GALNT4: variants seen among roughly 807,000 people sequenced by gnomAD.
GALNT4 encodes the protein UDP-GalNAc:polypeptide N-acetylgalactosaminyltransferase 4.
In GALNT4, 23 loss-of-function variants were observed where a neutral mutation model predicts 45.1. That is an observed-to-expected ratio of 0.51 (90% CI 0.37 to 0.72). GALNT4 has a LOEUF of 0.72. Among genes scored for constraint, GALNT4 ranks in the 30% least tolerant of loss-of-function variants. The pLI is 0.00. For synonymous variants in GALNT4, 264 were observed against 257.6 expected (o/e 1.02, Z -0.24); for missense variants, 757 against 709.0 (o/e 1.07, Z -0.77).
At position 89,522,681 on chromosome 12, in the gene GALNT4, A is replaced by G; in HGVS notation, c.*132T>C. The G allele has an allele frequency of 8.2e-7, 1 of 1,214,172 alleles. No individual in the cohort carries two copies. 75.2% of individuals were successfully genotyped at this position (1,214,172 alleles called of 1,614,324 possible). On this transcript the variant is annotated 3_prime_UTR_variant, in exon 1 of 1. Coordinates refer to ENST00000529983, the MANE Select transcript of GALNT4 (RefSeq NM_003774.5). ...AGTGTGATATACCAAAATGAACCCC[A>G]GCTTTCCAGTGCTCCACAGATGACT...
In GALNT4 at chr12:89,523,721, C is replaced by T; in HGVS notation, c.829G>A (p.Gly277Arg). Residue 277 changes from glycine (G) to arginine (R), a missense_variant, in exon 1 of 1, where the codon GGG becomes AGG. Gly to Arg is a moderately radical substitution (Grantham distance 125). Transcript: ENST00000529983. The part of the protein sequence containing the change: ...YMQIGEPMIG[G>R]FDWRLTFQWH... ...TGAAATGTTAAACGCCAGTCAAACC[C>T]ACCAATCATGGGCTCCCCTATCTGC... 2 of 1,548,106 alleles carry T rather than the reference C, an allele frequency of 1.3e-6. No individual in the cohort carries two copies. The highest frequency in any genetic ancestry group is 1.7e-6 in the Non-Finnish European group (2 of 1,154,670).
At position 89,521,289 on chromosome 12, in the gene GALNT4, G is replaced by T. The variant is rs559972526; in HGVS notation, c.*1524C>A. 1.3e-5 allele frequency: 2 copies of T among 152,330 alleles called. No individual in the cohort carries two copies. The highest frequency in any genetic ancestry group is 3.9e-4 in the East Asian group (2 of 5,184). 9.4% of individuals were successfully genotyped at this position (152,330 alleles called of 1,614,324 possible). ...TGGCTAATTTTTTGTATTTTTAGTA[G>T]AGACGAGGTTTCACCATGTTAGCCA... is the stretch of plus-strand genomic sequence containing the variant. On this transcript the variant is annotated 3_prime_UTR_variant, in exon 1 of 1. Transcript: ENST00000529983.
At position 89,523,732 on chromosome 12, in the gene GALNT4, G is replaced by T; in HGVS notation, c.818C>A (p.Pro273His). The change falls in exon 1 of 1, where the codon CCC becomes CAC. Residue 273 changes from proline to histidine, a missense_variant. By Grantham distance (77) the Pro-to-His change is moderately conservative (BLOSUM62 -2). Coordinates refer to ENST00000529983, the MANE Select transcript of GALNT4 (RefSeq NM_003774.5). ...TFEFYMQIGE[P>H]MIGGFDWRLT... ...ACGCCAGTCAAACCCACCAATCATG[G>T]GCTCCCCTATCTGCATATAGAATTC... 1.3e-6 allele frequency: 2 copies of T among 1,547,962 alleles called. No individual in the cohort carries two copies. The highest frequency in any genetic ancestry group is 1.7e-6 in the Non-Finnish European group (2 of 1,154,792).
In GALNT4 at chr12:89,522,345, T is replaced by G. The variant is rs1592650526; in HGVS notation, c.*468A>C. 5.1e-6 allele frequency: 2 copies of G among 395,340 alleles called. No individual in the cohort carries two copies. The highest frequency in any genetic ancestry group is 3.6e-5 in the East Asian group (1 of 27,920). The allele number at this position is 395,340 out of a possible 1,614,324, so 24.5% of individuals were successfully genotyped here. On this transcript the variant is annotated 3_prime_UTR_variant, in exon 1 of 1. Transcript: ENST00000529983. ...TAGATTAAAAAATAAAATCTAAAAT[T>G]TAATGTGCTGGCTAAAAAAGAAATA...
Position 89,523,334 on chromosome 12 carries a change from A to T in GALNT4, c.1216T>A (p.Tyr406Asn), listed in dbSNP as rs568006309. The T allele has an allele frequency of 1.9e-6, 3 of 1,613,986 alleles. No homozygotes were observed. The highest frequency in any genetic ancestry group is 2.5e-6 in the Non-Finnish European group (3 of 1,179,886). ...NRNPPARKEA[Y>N]GDISERKLLR... Reference sequence around the variant, plus strand: ...AATTTTCTTTCAGAAATATCACCATAAGCTTCTTTTCTTGCTGGAGGGTTT... The same window carrying T: ...AATTTTCTTTCAGAAATATCACCATTAGCTTCTTTTCTTGCTGGAGGGTTT... The change falls in exon 1 of 1, where the codon TAT (tyrosine) becomes AAT (asparagine). Residue 406 changes from tyrosine to asparagine, a missense_variant. Physicochemically the swap from Tyr to Asn is moderately radical, Grantham distance 143 (BLOSUM62 -2). Transcript: ENST00000529983.
At position 89,524,427 on chromosome 12, in the gene GALNT4, G is replaced by C; in HGVS notation, c.123C>G (p.Ala41=). 6.2e-7 allele frequency: 1 copy of C among 1,613,918 alleles called. No homozygotes were observed. The highest frequency in any genetic ancestry group is 8.5e-7 in the Non-Finnish European group (1 of 1,179,888). ...TFHASAGAGR[A]RELGSRRLSD... is the part of the protein sequence containing the mutation. ...AGAGCCTTCTTGACCCCAGCTCCCT[G>C]GCACGGCCGGCTCCTGCGGAGGCAT... The change falls in exon 1 of 1, where the codon GCC becomes GCG. Residue 41 remains alanine, a synonymous_variant. Transcript: ENST00000529983.
Position 89,524,394 on chromosome 12 carries a change from G to T in GALNT4, c.156C>A (p.Leu52=). 6.2e-7 allele frequency: 1 copy of T among 1,614,012 alleles called. No homozygotes were observed. Among genetic ancestry groups the T allele is most frequent in the Non-Finnish European group, 8.5e-7 (1 of 1,179,888 alleles). The change falls in exon 1 of 1, where the codon CTC becomes CTA. Residue 52 remains leucine, a synonymous_variant. Transcript: ENST00000529983. ...RELGSRRLSD[L]QKNTEDLSRP... ...GAGACAAATCCTCCGTATTTTTCTG[G>T]AGGTCTGAGAGCCTTCTTGACCCCA...
Position 89,523,520 on chromosome 12 carries a change from TA to T in GALNT4, c.1029del (p.Phe343LeufsTer77). Reference protein sequence around the residue: ...VWGGENLELSFRVWQCGGKLE... With the variant: ...VWGGENLELSXRVWQCGGKLE... ...AATTTGCCACCACACTGCCACACCC[TA>T]AAAGACAGCTCAAGGTTTTCACCTC... is the stretch of plus-strand genomic sequence containing the variant. On this transcript the variant is annotated frameshift_variant, in exon 1 of 1. Coordinates refer to ENST00000529983, the MANE Select transcript of GALNT4 (RefSeq NM_003774.5). LOFTEE classifies it high-confidence loss of function. 6.2e-7 allele frequency: 1 copy of T among 1,608,460 alleles called. No homozygotes were observed. The highest frequency in any genetic ancestry group is 8.5e-7 in the Non-Finnish European group (1 of 1,177,664).
In GALNT4 at chr12:89,523,536, GT is replaced by G; in HGVS notation, c.1013del (p.Asn338ThrfsTer82). The G allele has an allele frequency of 6.2e-7, 1 of 1,603,672 alleles. No individual in the cohort carries two copies. The highest frequency in any genetic ancestry group is 8.5e-7 in the Non-Finnish European group (1 of 1,175,956). Reference protein sequence around the residue: ...DTGMEVWGGENLELSFRVWQC... With the variant: ...DTGMEVWGGEXLELSFRVWQC... ...GCCACACCCTAAAAGACAGCTCAAGGTTTTCACCTCCCCACACTTCCATTCC... is the reference window on the plus strand; with the variant it reads ...GCCACACCCTAAAAGACAGCTCAAGGTTTCACCTCCCCACACTTCCATTCC... On this transcript the variant is annotated frameshift_variant, in exon 1 of 1. Coordinates refer to ENST00000529983, the MANE Select transcript of GALNT4 (RefSeq NM_003774.5). LOFTEE classifies it high-confidence loss of function.
chr12:89,524,616 C>A lies in GALNT4; in HGVS notation c.-67G>T. 1 of 1,534,052 alleles carries A rather than the reference C, an allele frequency of 6.5e-7. No homozygotes were observed. On this transcript the variant is annotated 5_prime_UTR_variant, in exon 1 of 1. Coordinates refer to ENST00000529983, the MANE Select transcript of GALNT4 (RefSeq NM_003774.5). ...ACCACGCAGGGGAAGGGCGGCGGAA[C>A]CCACAGCTCGAGCTCAGGTACTTCC... is the stretch of plus-strand genomic sequence containing the variant.
In GALNT4 at chr12:89,523,270, T is replaced by C; in HGVS notation, c.1280A>G (p.Tyr427Cys). The C allele has an allele frequency of 6.2e-7, 1 of 1,614,080 alleles. No homozygotes were observed. Reference sequence around the variant, plus strand: ...TAAATTAGGAAAAACGTTTTTCAAATACCAGTCAAAGCTCTTGCATCTCAA... The same window carrying C: ...TAAATTAGGAAAAACGTTTTTCAAACACCAGTCAAAGCTCTTGCATCTCAA... The part of the protein sequence containing the change: ...ERLRCKSFDW[Y>C]LKNVFPNLHV... Residue 427 changes from tyrosine to cysteine, a missense_variant, in exon 1 of 1, where the codon TAT becomes TGT. Transcript: ENST00000529983.
Position 89,523,430 on chromosome 12 carries a change from T to A in GALNT4, c.1120A>T (p.Asn374Tyr). 1.2e-6 allele frequency: 2 copies of A among 1,614,060 alleles called. No homozygotes were observed. The highest frequency in any genetic ancestry group is 1.7e-6 in the Non-Finnish European group (2 of 1,179,916). Residue 374 changes from asparagine (N) to tyrosine (Y), a missense_variant, in exon 1 of 1, where the codon AAT becomes TAT. Transcript: ENST00000529983. Reference protein sequence around the residue: ...FPKRAPYARPNFLQNTARAAE... With the variant: ...FPKRAPYARPYFLQNTARAAE... Reference sequence around the variant, plus strand: ...GCCCGAGCAGTATTCTGTAGGAAATTGGGGCGAGCATATGGTGCCCGCTTG... The same window carrying A: ...GCCCGAGCAGTATTCTGTAGGAAATAGGGGCGAGCATATGGTGCCCGCTTG...
Position 89,524,093 on chromosome 12 carries a change from G to A in GALNT4, c.457C>T (p.Arg153Cys). The A allele has an allele frequency of 5.0e-6, 8 of 1,613,976 alleles. No individual in the cohort carries two copies. The highest frequency in any genetic ancestry group is 2.2e-5 in the East Asian group (1 of 44,890). ...GTTTCTAAAACACTGTGAATGGTAC[G>A]GAGCAAAGTCGACCAGGCTTCGTTA... ...FYNEAWSTLL[R>C]TIHSVLETSP... Residue 153 changes from arginine to cysteine, a missense_variant, in exon 1 of 1, where the codon CGT becomes TGT. Arg to Cys is a radical substitution (Grantham distance 180). Transcript: ENST00000529983.
chr12:89,520,285 G>A lies in GALNT4; in HGVS notation c.*2528C>T, dbSNP rs1675995941. The A allele has an allele frequency of 6.6e-6, 1 of 151,928 alleles. No homozygotes were observed. The highest frequency in any genetic ancestry group is 2.1e-4 in the South Asian group (1 of 4,820). 9.4% of individuals were successfully genotyped at this position (151,928 alleles called of 1,614,324 possible). A position where few individuals can be genotyped will look rare whatever the true frequency, so the allele number is the denominator to read the frequency against. On this transcript the variant is annotated 3_prime_UTR_variant, in exon 1 of 1. Transcript: ENST00000529983. Reference sequence around the variant, plus strand: ...TAAAAGCCTCATTTCCCTTTTGACAGGAGCATCAAGATACTAAAATAAAAA... The same window carrying A: ...TAAAAGCCTCATTTCCCTTTTGACAAGAGCATCAAGATACTAAAATAAAAA...
chr12:89,523,103 T>C lies in GALNT4; in HGVS notation c.1447A>G (p.Asn483Asp). ...TTTGAAGTATATTCAAAGAATTGAT[T>C]GCCTCCTTGACCATGGCATCCAAAC... ...SLFGCHGQGG[N>D]QFFEYTSNKE... Residue 483 changes from asparagine to aspartate, a missense_variant, in exon 1 of 1, where the codon AAT (asparagine) becomes GAT (aspartate). Transcript: ENST00000529983. 1 of 1,613,962 alleles carries C rather than the reference T, an allele frequency of 6.2e-7. No individual in the cohort carries two copies. The highest frequency in any genetic ancestry group is 8.5e-7 in the Non-Finnish European group (1 of 1,179,826).
In GALNT4 at chr12:89,524,087, T is replaced by A; in HGVS notation, c.463A>T (p.Ile155Phe). Reference protein sequence around the residue: ...NEAWSTLLRTIHSVLETSPAV... With the variant: ...NEAWSTLLRTFHSVLETSPAV... ...GGAGAAGTTTCTAAAACACTGTGAATGGTACGGAGCAAAGTCGACCAGGCT... is the reference window on the plus strand; with the variant it reads ...GGAGAAGTTTCTAAAACACTGTGAAAGGTACGGAGCAAAGTCGACCAGGCT... The change falls in exon 1 of 1, where the codon ATT (isoleucine) becomes TTT (phenylalanine). Residue 155 changes from isoleucine to phenylalanine, a missense_variant. Physicochemically the swap from Ile to Phe is conservative, Grantham distance 21. Transcript: ENST00000529983. 6.2e-7 allele frequency: 1 copy of A among 1,613,982 alleles called. No individual in the cohort carries two copies. The highest frequency in any genetic ancestry group is 8.5e-7 in the Non-Finnish European group (1 of 1,179,884).
rs763373158 is a variant in GALNT4 at position 89,524,383 on chromosome 12, G to T, written c.167C>A (p.Thr56Lys). The T allele has an allele frequency of 1.9e-6, 3 of 1,613,984 alleles. No homozygotes were observed. The highest frequency in any genetic ancestry group is 2.5e-6 in the Non-Finnish European group (3 of 1,179,896). Residue 56 changes from threonine (T) to lysine (K), a missense_variant, in exon 1 of 1, where the codon ACG (threonine) becomes AAG (lysine). Transcript: ENST00000529983. ...SRRLSDLQKN[T>K]EDLSRPLYKK... The stretch of plus-strand genomic sequence containing the variant: ...ATAAAGCGGTCGAGACAAATCCTCC[G>T]TATTTTTCTGGAGGTCTGAGAGCCT...
At position 89,522,097 on chromosome 12, in the gene GALNT4, G is replaced by A. The variant is rs1414912201; in HGVS notation, c.*716C>T. The A allele has an allele frequency of 2.5e-6, 1 of 398,858 alleles. No homozygotes were observed. Among genetic ancestry groups the A allele is most frequent in the East Asian group, 3.6e-5 (1 of 28,074 alleles). The allele number at this position is 398,858 out of a possible 1,614,324, so 24.7% of individuals were successfully genotyped here. A position where few individuals can be genotyped will look rare whatever the true frequency, so the allele number is the denominator to read the frequency against. On this transcript the variant is annotated 3_prime_UTR_variant, in exon 1 of 1. Transcript: ENST00000529983. ...ACAGAGAAGACAGCTTACAAAATCA[G>A]AGGAATCTGAGGTATTAATATATAC...
At position 89,520,828 on chromosome 12, in the gene GALNT4, A is replaced by C. The variant is rs546335954; in HGVS notation, c.*1985T>G. 1.0e-3 allele frequency: 152 copies of C among 152,330 alleles called. 1 individual carries two copies. The highest frequency in any genetic ancestry group is 3.5e-3 in the African/African-American group (147 of 41,564). The allele number at this position is 152,330 out of a possible 1,614,324, so 9.4% of individuals were successfully genotyped here. A position where few individuals can be genotyped will look rare whatever the true frequency, so the allele number is the denominator to read the frequency against. ...TTTTCATAAATCTAGGCCAAAGTGA[A>C]CTAATTGAGATTTAATTCTAAATTC... On this transcript the variant is annotated 3_prime_UTR_variant, in exon 1 of 1. Coordinates refer to ENST00000529983, the MANE Select transcript of GALNT4 (RefSeq NM_003774.5).
Sources: allele counts gnomAD v4.1 joint callset, GRCh38; gene constraint gnomAD v4.1.1; transcripts MANE v1.5; gene names NCBI Gene and HGNC (gene_info 2026-07-23, HGNC 2026-07-21).